Variants in MAGED1 observed in about 807,000 individuals in gnomAD.
The protein encoded by MAGED1 is MAGE family member D1, also known as melanoma-associated antigen D1.
Under a neutral mutation model 54.1 loss-of-function variants are expected in MAGED1, and 3 were observed. The ratio of observed to expected loss-of-function variants is 0.06; its 90% CI spans 0.03 to 0.14. MAGED1 has a LOEUF of 0.14. MAGED1 is among the 10% of genes least tolerant of loss of function. The pLI, the probability that MAGED1 is intolerant of heterozygous loss-of-function variation, is 1.00. For missense variants in MAGED1, 485 were observed against 623.4 expected, an observed-to-expected ratio of 0.78 and a Z score of 2.36; for synonymous variants, 217 against 227.3, an observed-to-expected ratio of 0.95 and a Z score of 0.41.
intron 1 of MAGED1, among the ~76,000 whole-genome samples, chrX:51,851,841 G>T (rs560639268): frequency 1.8e-5 from 2 of 111,453 alleles, no homozygotes; most frequent in Admixed American, 1.9e-4. Context: ...AATATTTTTG[G>T]ACTGTAGTTT....
intron 1 of MAGED1, among the ~76,000 whole-genome samples, chrX:51,846,230 A>G (rs1363897817): frequency 8.9e-6 from 1 of 112,129 alleles, no homozygotes; most frequent in Non-Finnish European, 1.9e-5. Flanking sequence ...GATAGATATT[A>G]AGGTGGGGAG....
intron 1 of MAGED1, among the ~76,000 whole-genome samples, chrX:51,871,449 T>G (rs1927672435): frequency 3.8e-5 from 4 of 104,836 alleles, no homozygotes; most frequent in South Asian, 4.8e-4. Flanking sequence ...CAGGCCCTGG[T>G]GTGTGATGTT....
At position 51,898,134 on chromosome X, in the gene MAGED1, T is replaced by A; in HGVS notation, c.1679T>A (p.Leu560His). Residue 560 changes from leucine (L) to histidine (H), a missense_variant, in exon 8 of 13, where the codon CTC becomes CAC. Physicochemically the swap from Leu to His is moderately conservative, Grantham distance 99. Coordinates refer to ENST00000326587, the MANE Select transcript of MAGED1 (RefSeq NM_006986.4). ...CTTAGGACCAAAGACACACCCAAGC[T>A]CGGTCTCCTCTTGGTGATTCTGGGT... Reference protein sequence around the residue: ...ILGTTKDTPKLGLLLVILGVI... With the variant: ...ILGTTKDTPKHGLLLVILGVI... 1 of 1,210,805 alleles carries A rather than the reference T, an allele frequency of 8.3e-7. No homozygotes were observed. The highest frequency in any genetic ancestry group is 1.1e-6 in the Non-Finnish European group (1 of 894,668).
At position 51,834,032 on chromosome X, in the gene MAGED1, G is replaced by T. The variant is rs1479851434; in HGVS notation, c.-37+30915G>T. 3.6e-5 allele frequency among the ~76,000 whole-genome samples: 4 copies of T among 111,735 alleles called. No homozygotes were observed. In the South Asian group the frequency reaches 1.1e-3, roughly 31 times the overall value. On this transcript the variant is annotated intron_variant, in intron 1 of 12. Transcript: ENST00000375772. ...TTGCTTTTTTGAACATTATATGGTA[G>T]AAATATATGCATTCTTCTACAAACT...
upstream of MAGED1, among the ~76,000 whole-genome samples, chrX:51,889,866 G>A (rs1928376612): frequency 9.0e-6 from 1 of 111,431 alleles, no homozygotes; most frequent in East Asian, 2.8e-4. Context: ...GCAGTGAAAG[G>A]GTTGTACTCA....
At chrX:51,836,777 T>C (rs1422469431) in intron 1 of MAGED1, among the ~76,000 whole-genome samples, 6 of 110,386 alleles carry the variant, frequency 5.4e-5, no homozygotes, top group Non-Finnish European at 9.5e-5. Flanking sequence ...GGTTTCACCA[T>C]GTTAGCCAGG....
At chrX:51,841,945 G>T (rs782627321) in intron 1 of MAGED1, among the ~76,000 whole-genome samples, 97 of 111,643 alleles carry the variant, frequency 8.7e-4, no homozygotes, top group Non-Finnish European at 1.3e-3. Flanking sequence ...ATATGAACTT[G>T]AAAGTAGTTT....
chrX:51,841,157 G>C (rs1926459459), intron 1 of MAGED1, among the ~76,000 whole-genome samples: 1 of 107,614 alleles, frequency 9.3e-6, no homozygotes, highest in South Asian at 4.3e-4. Context: ...TCTCATTGTG[G>C]TTTTGATTTG....
intron 1 of MAGED1, among the ~76,000 whole-genome samples, chrX:51,815,569 T>C (rs1557355976): frequency 9.1e-6 from 1 of 109,853 alleles, no homozygotes; most frequent in South Asian, 4.0e-4. Context: ...GTTGCCCAGG[T>C]TGGAGTGCAA....
rs781969489 is a variant in MAGED1, at chrX:51,823,842, A to G, written c.-37+20725A>G. ...GAGATTACCATTAACATCTCAATTG[A>G]TGAGAATCTAGTTCAGATTTATATG... On this transcript the variant is annotated intron_variant, in intron 1 of 12. Transcript: ENST00000375772. Among the ~76,000 whole-genome samples, 27 of 110,881 alleles carry G rather than the reference A, an allele frequency of 2.4e-4. No individual in the cohort carries two copies. In the East Asian group the frequency reaches 7.6e-3, roughly 31 times the overall value.
intron 3 of MAGED1, 87 bp from the exon 4 acceptor site, chrX:51,896,322 G>A (rs1278574232): frequency 2.0e-5 from 17 of 851,437 alleles, no homozygotes; most frequent in Non-Finnish European, 2.6e-5. Flanking sequence ...TGTCACTACA[G>A]GTGAGGGTTT....
At chrX:51,808,283 C>T (rs1450566696) in intron 1 of MAGED1, among the ~76,000 whole-genome samples, 2 of 112,230 alleles carry the variant, frequency 1.8e-5, no homozygotes, top group Non-Finnish European at 3.8e-5. Flanking sequence ...ACTTTTCAAT[C>T]CATTGCAGTC....
At chrX:51,854,072 G>T (rs1371283) in intron 1 of MAGED1, among the ~76,000 whole-genome samples, 14,171 of 111,096 alleles carry the variant, frequency 0.13, 736 homozygotes, top group Middle Eastern at 0.15. Context: ...TAAATGACTC[G>T]TGATTTTCTT....
intron 1 of MAGED1, among the ~76,000 whole-genome samples, chrX:51,859,228 C>T (rs979328427): frequency 9.1e-6 from 1 of 110,233 alleles, no homozygotes; most frequent in Non-Finnish European, 1.9e-5. Flanking sequence ...GCATGTAGTA[C>T]ATACCTAATA....
At chrX:51,885,845 A>G (rs1928215250) in intron 1 of MAGED1, among the ~76,000 whole-genome samples, 1 of 110,892 alleles carries the variant, frequency 9.0e-6, no homozygotes, top group African/African-American at 3.3e-5. Context: ...TTGTAGCACT[A>G]TTCACAATGC....
chrX:51,834,998 G>T (rs1926195221), intron 1 of MAGED1, among the ~76,000 whole-genome samples: 1 of 111,753 alleles, frequency 8.9e-6, no homozygotes. Flanking sequence ...TGGCCTCATA[G>T]AATGAGTTAG....
In MAGED1 at chrX:51,819,633, T is replaced by C. The variant is rs1332721673; in HGVS notation, c.-37+16516T>C. ...GAGAAATATCTATTCAAGTCCCTTC[T>C]TTTTAAATTACATTATTTATATTTT... On this transcript the variant is annotated intron_variant, in intron 1 of 12. Coordinates refer to the MAGED1 transcript ENST00000375772. Among the ~76,000 whole-genome samples the C allele has an allele frequency of 3.6e-5, 4 of 111,313 alleles. No individual in the cohort carries two copies. The Admixed American group carries it at 3.8e-4, about 11-fold the overall frequency.
At chrX:51,814,200 G>T (rs1169674909) in intron 1 of MAGED1, among the ~76,000 whole-genome samples, 1 of 111,521 alleles carries the variant, frequency 9.0e-6, no homozygotes, top group Non-Finnish European at 1.9e-5. Context: ...CTGGGGTCTG[G>T]ACTTCGAAGC....
Position 51,900,224 on chromosome X carries a change from G to T in MAGED1, c.1887G>T (p.Glu629Asp). ...GAGTGCCCAACAGCAACCCCCCGGA[G>T]TATGAGTTCCTCTGGGGCCTCCGTT... ...YRRVPNSNPP[E>D]YEFLWGLRSY... is the part of the protein sequence containing the mutation. Residue 629 changes from glutamate to aspartate, a missense_variant, in exon 11 of 13, where the codon GAG (glutamate) becomes GAT (aspartate). Glu to Asp is a conservative substitution (Grantham distance 45, BLOSUM62 2). Coordinates refer to ENST00000326587, the MANE Select transcript of MAGED1 (RefSeq NM_006986.4). The T allele has an allele frequency of 8.3e-7, 1 of 1,208,247 alleles. No individual in the cohort carries two copies. Among genetic ancestry groups the T allele is most frequent in the Non-Finnish European group, 1.1e-6 (1 of 894,276 alleles).
Sources: allele counts gnomAD v4.1 joint callset (sites outside exome capture counted in the v4.1 genomes callset), GRCh38; gene constraint gnomAD v4.1.1; transcripts MANE v1.5; gene names NCBI Gene and HGNC (gene_info 2026-07-23, HGNC 2026-07-21).